CYLC1: variants seen among roughly 807,000 people sequenced by gnomAD.
The protein encoded by CYLC1 is cylicin-1.
In CYLC1, 2 loss-of-function variants were observed where a neutral mutation model predicts 31.6. The observed-to-expected ratio is 0.06, with a 90% CI of 0.03 to 0.20. The LOEUF (loss-of-function observed/expected upper bound fraction) is 0.20. CYLC1 is among the 10% of genes least tolerant of loss of function. CYLC1 has a pLI of 1.00. For synonymous variants in CYLC1, 185 were observed against 153.0 expected (o/e 1.21, Z -1.54); for missense variants, 595 against 424.1 (o/e 1.40, Z -3.54).
chrX:83,864,049 G>A (rs1022032261), intron 1 of CYLC1, among the ~76,000 whole-genome samples: 3 of 111,121 alleles, frequency 2.7e-5, no homozygotes, highest in African/African-American at 9.8e-5. Flanking sequence ...TGGCATCCAC[G>A]TTTTGTCTAT....
At chrX:83,878,342 A>AATATATAAATATATATAAATAT (rs2031842285) in intron 4 of CYLC1, among the ~76,000 whole-genome samples, 1 of 1,182 alleles carries the variant, frequency 8.5e-4, no homozygotes, top group African/African-American at 3.8e-3. Flanking sequence ...TATATATATA[A>AATATATAAATATATATAAATAT]ATATATAAAT....
rs61531587 is a variant in CYLC1, at chrX:83,872,718, T to TACACACACACAC, written c.178-142_178-131dup. Among the ~76,000 whole-genome samples the TACACACACACAC allele has an allele frequency of 9.5e-4, 87 of 92,056 alleles. 1 individual carries two copies. The highest frequency in any genetic ancestry group is 3.1e-3 in the African/African-American group (76 of 24,461). The allele number at this position is 92,056 out of a possible 115,157, so 79.9% of individuals were successfully genotyped here. On this transcript the variant is annotated intron_variant, in intron 3 of 4. Transcript: ENST00000329312. ...TATATGTCTCTTTCTGTCTCTCTCTTACACACACACACACACACACACACA... is the reference window on the plus strand; with the variant it reads ...TATATGTCTCTTTCTGTCTCTCTCTTACACACACACACACACACACACACACACACACACACA...
At chrX:83,880,194 G>C (rs889799571) in intron 4 of CYLC1, among the ~76,000 whole-genome samples, 1 of 111,299 alleles carries the variant, frequency 9.0e-6, no homozygotes, top group Non-Finnish European at 1.9e-5. Flanking sequence ...AGTGTATTTT[G>C]CTGTGCACAA....
At chrX:83,869,818 A>G in intron 1 of CYLC1, 47 bp from the exon 2 acceptor site, 1 of 640,805 alleles carries the variant, frequency 1.6e-6, no homozygotes, top group East Asian at 5.0e-5. Context: ...ATTTTTATTT[A>G]TTGCCCATAA....
At chrX:83,885,892 AG>A (rs2031976241) in intron 4 of CYLC1, among the ~76,000 whole-genome samples, 3 of 110,035 alleles carry the variant, frequency 2.7e-5, no homozygotes, top group African/African-American at 9.8e-5. Flanking sequence ...ATAAAATTAG[AG>A]GGGGGTTAGT....
chrX:83,873,722 A>G lies in CYLC1; in HGVS notation c.1014A>G (p.Gly338=). 1 of 1,190,291 alleles carries G rather than the reference A, an allele frequency of 8.4e-7. No homozygotes were observed. The highest frequency in any genetic ancestry group is 1.1e-6 in the Non-Finnish European group (1 of 880,294). The change falls in exon 4 of 5, where the codon GGA becomes GGG. Residue 338 remains glycine, a synonymous_variant. Coordinates refer to ENST00000329312, the MANE Select transcript of CYLC1 (RefSeq NM_021118.3). ...CAGAGTCTACTGATGCTGAATCTGG[A>G]GACTCAAAGGATGAAAGGAAAGATA... is the stretch of plus-strand genomic sequence containing the variant. ...KDTESTDAES[G]DSKDERKDTK...
intron 4 of CYLC1, among the ~76,000 whole-genome samples, chrX:83,878,724 G>T (rs1253548303): frequency 9.6e-6 from 1 of 103,847 alleles, no homozygotes; most frequent in Non-Finnish European, 1.9e-5. Context: ...TTAAGTGAGG[G>T]TAGTCACAAA....
At chrX:83,875,164 T>C (rs1024041138) in intron 4 of CYLC1, among the ~76,000 whole-genome samples, 2 of 111,102 alleles carry the variant, frequency 1.8e-5, no homozygotes, top group Non-Finnish European at 3.8e-5. Flanking sequence ...ATAACTGATA[T>C]CAGGAAACAA....
At chrX:83,861,295 T>C (rs1327436218) in intron 1 of CYLC1, 96 bp downstream of exon 1, 1 of 598,595 alleles carries the variant, frequency 1.7e-6, no homozygotes, top group East Asian at 3.9e-5. Flanking sequence ...GAATGTTTCT[T>C]TCATAGTCGT....
intron 4 of CYLC1, among the ~76,000 whole-genome samples, chrX:83,883,797 G>A (rs1188332611): frequency 4.5e-5 from 5 of 111,821 alleles, no homozygotes; most frequent in Non-Finnish European, 9.4e-5. Flanking sequence ...GCATTTGTTA[G>A]AGGACTACCA....
Position 83,861,217 on chromosome X carries a change from T to A in CYLC1, c.17+18T>A, listed in dbSNP as rs200315153. The A allele has an allele frequency of 1.3e-4, 146 of 1,154,322 alleles. No individual in the cohort carries two copies. Among genetic ancestry groups the A allele is most frequent in the Middle Eastern group, 7.2e-4 (3 of 4,190 alleles). On this transcript the variant is annotated intron_variant, in intron 1 of 4. Transcript: ENST00000329312. ...CCAAGGTTGTAAGTCCTCTTTTTAA[T>A]ATTTTTTTAGTATTTTAAATAGCCA...
chrX:83,876,276 A>G (rs2031757150), intron 4 of CYLC1, among the ~76,000 whole-genome samples: 1 of 110,385 alleles, frequency 9.1e-6, no homozygotes, highest in Non-Finnish European at 1.9e-5. Flanking sequence ...TCTAGGTGAT[A>G]TCTTCTTTCT....
intron 4 of CYLC1, among the ~76,000 whole-genome samples, chrX:83,877,952 A>AC (rs1327302926): frequency 1.7e-4 from 13 of 78,351 alleles, no homozygotes; most frequent in South Asian, 6.3e-4. Context: ...ATTTGTATAT[A>AC]AATATAAATA....
chrX:83,870,938 G>C (rs747627109), intron 2 of CYLC1, among the ~76,000 whole-genome samples: 1 of 110,644 alleles, frequency 9.0e-6, no homozygotes, highest in South Asian at 3.8e-4. Context: ...CCTGTGGTTC[G>C]GGATGCCACT....
At chrX:83,861,769 A>G (rs1358796224) in intron 1 of CYLC1, among the ~76,000 whole-genome samples, 1 of 111,752 alleles carries the variant, frequency 8.9e-6, no homozygotes, top group Non-Finnish European at 1.9e-5. Context: ...ATTTCCTCTT[A>G]AAGAATATTT....
chrX:83,873,151 T>C lies in CYLC1; in HGVS notation c.443T>C (p.Val148Ala), dbSNP rs753079488. ...ACAAATCCAGAATCCAAGCAAATAGTAGAAGAGAAAACTAAAAGACAAAAT... is the reference window on the plus strand; with the variant it reads ...ACAAATCCAGAATCCAAGCAAATAGCAGAAGAGAAAACTAAAAGACAAAAT... ...YATNPESKQI[V>A]EEKTKRQNEA... The change falls in exon 4 of 5, where the codon GTA (valine) becomes GCA (alanine). Residue 148 changes from valine (V) to alanine (A), a missense_variant. Val to Ala is a moderately conservative substitution (Grantham distance 64). Transcript: ENST00000329312. 50 of 1,199,922 alleles carry C rather than the reference T, an allele frequency of 4.2e-5. No homozygotes were observed. Among genetic ancestry groups the C allele is most frequent in the East Asian group, 6.0e-5 (2 of 33,602 alleles).
chrX:83,862,160 C>G (rs1179447342), intron 1 of CYLC1, among the ~76,000 whole-genome samples: 1 of 111,505 alleles, frequency 9.0e-6, no homozygotes, highest in Non-Finnish European at 1.9e-5. Flanking sequence ...TTAAATGATA[C>G]ATGTCTGTAA....
intron 4 of CYLC1, among the ~76,000 whole-genome samples, chrX:83,882,791 AT>A (rs2031929933): frequency 2.7e-5 from 3 of 110,980 alleles, no homozygotes; most frequent in South Asian, 3.7e-4. Flanking sequence ...TCCCTAGACT[AT>A]TTTCTCATCC....
At chrX:83,876,231 C>A (rs1158977621) in intron 4 of CYLC1, among the ~76,000 whole-genome samples, 1 of 110,541 alleles carries the variant, frequency 9.0e-6, no homozygotes, top group Non-Finnish European at 1.9e-5. Context: ...CAAAACTCTG[C>A]TTTGAGACTC....
Sources: gnomAD v4.1 joint callset for allele counts (sites outside exome capture counted in the v4.1 genomes callset) on GRCh38, gnomAD v4.1.1 for gene constraint, MANE v1.5 for transcripts, NCBI Gene and HGNC (gene_info 2026-07-23, HGNC 2026-07-21) for gene names.